Variants in SMG7 observed in about 807,000 individuals in gnomAD.
SMG7 encodes SMG7 nonsense mediated mRNA decay factor, also known as nonsense-mediated mRNA decay factor SMG7.
In SMG7, 34 loss-of-function variants were observed where a neutral mutation model predicts 148.2. That is an observed-to-expected ratio of 0.23 (90% CI 0.17 to 0.31). The LOEUF (loss-of-function observed/expected upper bound fraction) is 0.31. Ranked by LOEUF, SMG7 falls within the 10% of genes least tolerant of loss-of-function variation. The pLI is 1.00. For missense variants in SMG7, 1,114 were observed against 1,408.4 expected, an observed-to-expected ratio of 0.79 and a Z score of 3.35; for synonymous variants, 492 against 515.1, an observed-to-expected ratio of 0.96 and a Z score of 0.61.
chr1:183,528,061 A>G (rs928485650), intron 6 of SMG7, 34 bp downstream of exon 6: 2 of 1,535,326 alleles, frequency 1.3e-6, no homozygotes, highest in Admixed American at 1.7e-5. Flanking sequence ...ATTGACCGTG[A>G]CACTTTGTTC....
At chr1:183,516,118 T>A in intron 3 of SMG7, 127 bp downstream of exon 3, 1 of 655,162 alleles carries the variant, frequency 1.5e-6, no homozygotes. Context: ...GGAAAGTAAT[T>A]CTAGTATTTG....
At chr1:183,488,976 G>A (rs1403368809) in intron 1 of SMG7, among the ~76,000 whole-genome samples, 2 of 152,060 alleles carry the variant, frequency 1.3e-5, no homozygotes, top group South Asian at 4.1e-4. Flanking sequence ...GAGCCACCAC[G>A]CCTGGCCAAG....
intron 6 of SMG7, among the ~76,000 whole-genome samples, chr1:183,528,399 C>A (rs1047183881): frequency 6.6e-6 from 1 of 152,064 alleles, no homozygotes; most frequent in Non-Finnish European, 1.5e-5. Flanking sequence ...AAAAGATAAT[C>A]TTTTAATGGC....
rs1670969161 is a variant in SMG7, at chr1:183,551,098, A to G, written c.3358A>G (p.Ser1120Gly). The G allele has an allele frequency of 6.2e-7, 1 of 1,613,362 alleles. No homozygotes were observed. The highest frequency in any genetic ancestry group is 1.7e-5 in the Admixed American group (1 of 59,764). ...CTCAGCAACGTCATCCTCTGAGAGC[A>G]GTTGGCATCAGGCCAGCACTCCGAG... ...YLSATSSSES[S>G]WHQASTPSGT... is the part of the protein sequence containing the mutation. The change falls in exon 22 of 23, where the codon AGT becomes GGT. Residue 1120 changes from serine to glycine, a missense_variant. Physicochemically the swap from Ser to Gly is moderately conservative, Grantham distance 56. Transcript: ENST00000688051.
chr1:183,520,386 C>T (rs1296502874), intron 4 of SMG7, among the ~76,000 whole-genome samples: 1 of 152,042 alleles, frequency 6.6e-6, no homozygotes, highest in Non-Finnish European at 1.5e-5. Flanking sequence ...TCAATCACTG[C>T]TTTCAACTAT....
rs1316629477 is a variant in SMG7, at chr1:183,528,930, A to G, written c.595A>G (p.Lys199Glu). 2 of 1,613,494 alleles carry G rather than the reference A, an allele frequency of 1.2e-6. No individual in the cohort carries two copies. Among genetic ancestry groups the G allele is most frequent in the Admixed American group, 1.7e-5 (1 of 59,960 alleles). The change falls in exon 7 of 23, where the codon AAA (lysine) becomes GAA (glutamate). Residue 199 changes from lysine (K) to glutamate (E), a missense_variant. Lys to Glu is a moderately conservative substitution (Grantham distance 56). Around this residue, in one of 4 missense-constraint regions of SMG7, gnomAD observed 216 missense variants for 329.1 expected, o/e 0.66. Coordinates refer to ENST00000688051, the MANE Select transcript of SMG7 (RefSeq NM_001375584.1). ...TCAGTTGGCTATCTTAGCTTCTTCC[A>G]AAGGAGACCATCTGACCACAATTTT... The part of the protein sequence containing the change: ...YNQLAILASS[K>E]GDHLTTIFYY...
intron 1 of SMG7, among the ~76,000 whole-genome samples, chr1:183,487,909 A>G (rs1352759216): frequency 6.6e-6 from 1 of 152,232 alleles, no homozygotes; most frequent in Non-Finnish European, 1.5e-5. Context: ...ACCAGAGAGA[A>G]CATATAAGTA....
At chr1:183,539,516 C>G (rs1469016626) in intron 12 of SMG7, among the ~76,000 whole-genome samples, 1 of 152,130 alleles carries the variant, frequency 6.6e-6, no homozygotes, top group African/African-American at 2.4e-5. Flanking sequence ...AATGGTATGT[C>G]CCAAATTTTC....
At position 183,541,164 on chromosome 1, in the gene SMG7, GCA is replaced by G. The variant is rs368181102; in HGVS notation, c.1415+65_1415+66del. 785 of 1,458,396 alleles carry G rather than the reference GCA, an allele frequency of 5.4e-4. 11 individuals carry two copies. The East Asian group carries it at 0.013, about 25-fold the overall frequency. The allele number at this position is 1,458,396 out of a possible 1,614,324, so 90.3% of individuals were successfully genotyped here. On this transcript the variant is annotated intron_variant, in intron 13 of 22. Coordinates refer to ENST00000688051, the MANE Select transcript of SMG7 (RefSeq NM_001375584.1). ...CACCTTTTTAGATAAACACATGCGCGCACACGCGCGCGCACACACACACATCT... is the reference window on the plus strand; with the variant it reads ...CACCTTTTTAGATAAACACATGCGCGCACGCGCGCGCACACACACACATCT...
chr1:183,473,047 T>G, intron 1 of SMG7: 3 of 236,122 alleles, frequency 1.3e-5, no homozygotes, highest in Non-Finnish European at 2.4e-5. Context: ...GGCGTGGGAT[T>G]GGTTGGAGCG....
intron 1 of SMG7, among the ~76,000 whole-genome samples, chr1:183,511,530 C>T (rs927014974): frequency 2.0e-5 from 3 of 152,066 alleles, no homozygotes; most frequent in Non-Finnish European, 4.4e-5. Flanking sequence ...GAAGTCCAGT[C>T]CAGAAGTCCA....
intron 8 of SMG7, among the ~76,000 whole-genome samples, chr1:183,531,524 CTAAG>C (rs946589027): frequency 6.6e-6 from 1 of 152,148 alleles, no homozygotes; most frequent in African/African-American, 2.4e-5. Context: ...TGTTCATTCA[CTAAG>C]TGTTTATTAA....
chr1:183,490,543 T>A (rs1656688201), intron 1 of SMG7, among the ~76,000 whole-genome samples: 1 of 152,174 alleles, frequency 6.6e-6, no homozygotes. Flanking sequence ...ACGTTAAGAT[T>A]AAAAAATTTG....
At position 183,527,925 on chromosome 1, in the gene SMG7, G is replaced by A. The variant is rs1239063796; in HGVS notation, c.485-31G>A. On this transcript the variant is annotated intron_variant, in intron 5 of 22. Transcript: ENST00000688051. The surrounding 1 kb of genome is among the most constrained non-coding windows in gnomAD (Gnocchi z 4.0). ...ATACTACCCTACTGTTTGTTTTTTG[G>A]GTTTTTTAAAACTAATTTTCTTCTT... 1 of 1,576,854 alleles carries A rather than the reference G, an allele frequency of 6.3e-7. No homozygotes were observed. The highest frequency in any genetic ancestry group is 1.7e-5 in the Admixed American group (1 of 58,800).
At chr1:183,523,308 T>C (rs966963317) in intron 4 of SMG7, among the ~76,000 whole-genome samples, 3 of 152,192 alleles carry the variant, frequency 2.0e-5, no homozygotes, top group Non-Finnish European at 4.4e-5. Context: ...CTAGTACTGC[T>C]CTAGGGCTAA....
intron 10 of SMG7, among the ~76,000 whole-genome samples, chr1:183,535,788 C>T (rs942885391): frequency 1.3e-5 from 2 of 152,040 alleles, no homozygotes; most frequent in Admixed American, 6.5e-5. Context: ...TCCACTCATG[C>T]GCTTTTTCTA....
At chr1:183,477,747 TGTGC>T (rs1440176334) in intron 1 of SMG7, among the ~76,000 whole-genome samples, 15 of 151,826 alleles carry the variant, frequency 9.9e-5, no homozygotes, top group African/African-American at 3.4e-4. Flanking sequence ...TATACATGTG[TGTGC>T]ATATGTGTGC....
At chr1:183,549,317 G>T in intron 19 of SMG7, 29 bp downstream of exon 19, 2 of 1,452,610 alleles carry the variant, frequency 1.4e-6, no homozygotes, top group Non-Finnish European at 9.7e-7. Context: ...ATCCTGCTGT[G>T]TGCTTTTAGT....
At chr1:183,512,999 C>G (rs1011698801) in intron 2 of SMG7, 131 bp downstream of exon 2, 20 of 755,536 alleles carry the variant, frequency 2.6e-5, no homozygotes, top group Non-Finnish European at 4.2e-5. Flanking sequence ...CATTTACTAT[C>G]TGCTTTAAAT....
Sources: allele counts gnomAD v4.1 joint callset (sites outside exome capture counted in the v4.1 genomes callset), GRCh38; gene constraint gnomAD v4.1.1; regional missense constraint gnomAD v4.1.1; non-coding constraint Gnocchi (gnomAD v3.1); transcripts MANE v1.5; gene names NCBI Gene and HGNC (gene_info 2026-07-23, HGNC 2026-07-21).